Variants in FEM1C observed in about 807,000 individuals in gnomAD.
FEM1C encodes the protein fem-1 homolog C, also known as protein fem-1 homolog C.
Under a neutral mutation model 37.6 loss-of-function variants are expected in FEM1C, and 15 were observed. The ratio of observed to expected loss-of-function variants is 0.40; its 90% CI spans 0.27 to 0.61. The LOEUF is 0.61. Among genes scored for constraint, FEM1C ranks in the 20% least tolerant of loss-of-function variants. The probability of loss-of-function intolerance (pLI) is 0.42; values close to 1 mark genes in which losing one functional copy is unlikely to be tolerated. For missense variants in FEM1C, 532 were observed against 749.7 expected, an observed-to-expected ratio of 0.71 and a Z score of 3.39; for synonymous variants, 287 against 272.8, an observed-to-expected ratio of 1.05 and a Z score of -0.51.
At chr5:115,531,233 C>A (rs1199657087) in intron 2 of FEM1C, among the ~76,000 whole-genome samples, 2 of 152,016 alleles carry the variant, frequency 1.3e-5, no homozygotes, top group African/African-American at 4.8e-5. Context: ...TAAAACCAAA[C>A]CTCATAATAG....
intron 1 of FEM1C, chr5:115,543,960 C>G: frequency 1.0e-6 from 1 of 985,290 alleles, no homozygotes; most frequent in Non-Finnish European, 1.2e-6. Context: ...CTCTAACCAG[C>G]CAAGCTTTGT....
In FEM1C at chr5:115,525,077, T is replaced by C. The variant is rs1753861079; in HGVS notation, c.1085A>G (p.Lys362Arg). The C allele has an allele frequency of 6.2e-7, 1 of 1,613,690 alleles. No homozygotes were observed. The highest frequency in any genetic ancestry group is 1.1e-5 in the South Asian group (1 of 91,078). Residue 362 changes from lysine (K) to arginine (R), a missense_variant, in exon 3 of 3, where the codon AAG (lysine) becomes AGG (arginine). Coordinates refer to ENST00000274457, the MANE Select transcript of FEM1C (RefSeq NM_020177.3). ...GCTCTGCTGCATATCCAAAGCATAC[T>C]TCCATAGGTTGATGCATCGTTTGAA... ...GNFKRCINLW[K>R]YALDMQQSNL...
Position 115,524,166 on chromosome 5 carries a change from T to G in FEM1C, c.*142A>C. ...TATTGGGAAACCAATGTTGTAAATTTGATGCTTATAATGCTTTAGCCAATG... is the reference window on the plus strand; with the variant it reads ...TATTGGGAAACCAATGTTGTAAATTGGATGCTTATAATGCTTTAGCCAATG... On this transcript the variant is annotated 3_prime_UTR_variant, in exon 3 of 3. Coordinates refer to ENST00000274457, the MANE Select transcript of FEM1C (RefSeq NM_020177.3). 1 of 625,068 alleles carries G rather than the reference T, an allele frequency of 1.6e-6. No individual in the cohort carries two copies. Among genetic ancestry groups the G allele is most frequent in the Non-Finnish European group, 2.8e-6 (1 of 359,408 alleles). The allele number at this position is 625,068 out of a possible 1,614,324, so 38.7% of individuals were successfully genotyped here.
intron 2 of FEM1C, among the ~76,000 whole-genome samples, chr5:115,542,582 AC>A (rs1236125983): frequency 6.6e-6 from 1 of 151,890 alleles, no homozygotes; most frequent in Non-Finnish European, 1.5e-5. Context: ...AAAAAACAAA[AC>A]AAAAAGCTAA....
chr5:115,536,836 G>A (rs780589757), intron 2 of FEM1C, among the ~76,000 whole-genome samples: 13 of 151,890 alleles, frequency 8.6e-5, no homozygotes, highest in African/African-American at 2.9e-4. Context: ...AAAGTTAAAC[G>A]CTAAAAAATA....
At position 115,521,437 on chromosome 5, in the gene FEM1C, A is replaced by C. The variant is rs895000342; in HGVS notation, c.*2871T>G. The C allele has an allele frequency of 6.6e-6, 1 of 151,854 alleles. No individual in the cohort carries two copies. The highest frequency in any genetic ancestry group is 6.6e-5 in the Admixed American group (1 of 15,226). 9.4% of individuals were successfully genotyped at this position (151,854 alleles called of 1,614,324 possible). ...AACTTCAAATTCATAATGGGCACCA[A>C]ATTATCTTTGATTTGGGTTTATGCC... is the stretch of plus-strand genomic sequence containing the variant. On this transcript the variant is annotated 3_prime_UTR_variant, in exon 3 of 3. Coordinates refer to ENST00000274457, the MANE Select transcript of FEM1C (RefSeq NM_020177.3).
At position 115,522,212 on chromosome 5, in the gene FEM1C, T is replaced by C. The variant is rs1753790904; in HGVS notation, c.*2096A>G. 1 of 151,796 alleles carries C rather than the reference T, an allele frequency of 6.6e-6. No homozygotes were observed. The highest frequency in any genetic ancestry group is 1.5e-5 in the Non-Finnish European group (1 of 67,828). The allele number at this position is 151,796 out of a possible 1,614,324, so 9.4% of individuals were successfully genotyped here. A position where few individuals can be genotyped will look rare whatever the true frequency, so the allele number is the denominator to read the frequency against. On this transcript the variant is annotated 3_prime_UTR_variant, in exon 3 of 3. Coordinates refer to ENST00000274457, the MANE Select transcript of FEM1C (RefSeq NM_020177.3). ...CTCAAATTATCGAGATCAACTAATG[T>C]AATTTACTATAATGGCAAAGTTTTC...
chr5:115,536,676 A>G (rs2127173278), intron 2 of FEM1C, among the ~76,000 whole-genome samples: 1 of 152,040 alleles, frequency 6.6e-6, no homozygotes, highest in Admixed American at 6.6e-5. Flanking sequence ...ATACTCAAGA[A>G]CAGAAGTTCA....
At position 115,520,915 on chromosome 5, in the gene FEM1C, C is replaced by A. The variant is rs1379365988; in HGVS notation, c.*3393G>T. The A allele has an allele frequency of 6.6e-6, 1 of 151,784 alleles. No homozygotes were observed. The highest frequency in any genetic ancestry group is 2.4e-5 in the African/African-American group (1 of 41,274). 9.4% of individuals were successfully genotyped at this position (151,784 alleles called of 1,614,324 possible). ...AATAAGAATACACTTAAATTTGGTGCAAATTTAATTTTATTAAACCTTACA... is the reference window on the plus strand; with the variant it reads ...AATAAGAATACACTTAAATTTGGTGAAAATTTAATTTTATTAAACCTTACA... On this transcript the variant is annotated 3_prime_UTR_variant, in exon 3 of 3. Coordinates refer to ENST00000274457, the MANE Select transcript of FEM1C (RefSeq NM_020177.3).
At chr5:115,532,700 G>A (rs557177550) in intron 2 of FEM1C, among the ~76,000 whole-genome samples, 2 of 152,024 alleles carry the variant, frequency 1.3e-5, no homozygotes, top group East Asian at 1.9e-4. Flanking sequence ...TTATTACATC[G>A]TCTGCATAGT....
In FEM1C at chr5:115,535,881, TG is replaced by T. The variant is rs368946028; in HGVS notation, c.544+7068del. Among the ~76,000 whole-genome samples the T allele has an allele frequency of 8.9e-3, 1,354 of 152,108 alleles. 16 individuals carry two copies. The highest frequency in any genetic ancestry group is 0.031 in the African/African-American group (1,270 of 41,536). On this transcript the variant is annotated intron_variant, in intron 2 of 2. Coordinates refer to ENST00000274457, the MANE Select transcript of FEM1C (RefSeq NM_020177.3). ...TATCTATTTCAATGGAATATTATTC[TG>T]CAATAAAAAGAAAAGCACTCATACA...
At chr5:115,530,196 G>C (rs1401657776) in intron 2 of FEM1C, among the ~76,000 whole-genome samples, 2 of 151,832 alleles carry the variant, frequency 1.3e-5, no homozygotes, top group African/African-American at 4.8e-5. Flanking sequence ...AGAAGTGAAA[G>C]TTTGGGAAAA....
chr5:115,537,279 T>C (rs1298519610), intron 2 of FEM1C, among the ~76,000 whole-genome samples: 1 of 152,002 alleles, frequency 6.6e-6, no homozygotes, highest in Non-Finnish European at 1.5e-5. Context: ...AACCAATCAA[T>C]GAAAATCTGA....
intron 2 of FEM1C, among the ~76,000 whole-genome samples, chr5:115,531,334 T>C (rs1754010398): frequency 6.6e-6 from 1 of 152,174 alleles, no homozygotes; most frequent in Non-Finnish European, 1.5e-5. Context: ...GCCTTCAAAA[T>C]TCTACATCAT....
chr5:115,535,395 G>A (rs761848205), intron 2 of FEM1C, among the ~76,000 whole-genome samples: 3 of 150,546 alleles, frequency 2.0e-5, no homozygotes, highest in Non-Finnish European at 4.4e-5. Flanking sequence ...GTAATACAAA[G>A]ATAACCCAGT....
chr5:115,525,802 C>A (rs1753878837), intron 2 of FEM1C, among the ~76,000 whole-genome samples, 185 bp from the exon 3 acceptor site: 1 of 152,010 alleles, frequency 6.6e-6, no homozygotes, highest in Admixed American at 6.6e-5. Context: ...TGATATTAAA[C>A]TTATTGAATA....
intron 2 of FEM1C, among the ~76,000 whole-genome samples, chr5:115,536,611 G>A (rs1362697662): frequency 6.6e-6 from 1 of 151,834 alleles, no homozygotes; most frequent in Admixed American, 6.6e-5. Context: ...AGCACTAGAA[G>A]AAGGATTCTC....
chr5:115,523,112 G>A lies in FEM1C; in HGVS notation c.*1196C>T, dbSNP rs781708362. The stretch of plus-strand genomic sequence containing the variant: ...GACCAAAGTAATCAAAGTAATTCAT[G>A]CAAGTTATCTTTAAAGGTATACATA... On this transcript the variant is annotated 3_prime_UTR_variant, in exon 3 of 3. Transcript: ENST00000274457. The A allele has an allele frequency of 5.3e-5, 8 of 152,344 alleles. No individual in the cohort carries two copies. The highest frequency in any genetic ancestry group is 2.1e-4 in the South Asian group (1 of 4,832). The allele number at this position is 152,344 out of a possible 1,614,324, so 9.4% of individuals were successfully genotyped here. A position where few individuals can be genotyped will look rare whatever the true frequency, so the allele number is the denominator to read the frequency against.
intron 2 of FEM1C, among the ~76,000 whole-genome samples, chr5:115,535,739 C>G (rs1754112106): frequency 6.6e-6 from 1 of 151,926 alleles, no homozygotes; most frequent in African/African-American, 2.4e-5. Context: ...AATGCCACTC[C>G]TAGGTATGTG....
Sources: allele counts gnomAD v4.1 joint callset (sites outside exome capture counted in the v4.1 genomes callset), GRCh38; gene constraint gnomAD v4.1.1; transcripts MANE v1.5; gene names NCBI Gene and HGNC (gene_info 2026-07-23, HGNC 2026-07-21).